PMEL: variants seen among roughly 807,000 people sequenced by gnomAD.
PMEL encodes the protein melanocyte protein PMEL.
A neutral mutation model predicts 64.9 loss-of-function variants in PMEL; 53 were observed. That is an observed-to-expected ratio of 0.82 (90% CI 0.66 to 1.03). The LOEUF is 1.03. Among genes scored for constraint, PMEL ranks in the 50% least tolerant of loss-of-function variants. PMEL has a pLI of 0.00. For missense variants in PMEL, 716 were observed against 814.9 expected (o/e 0.88, Z 1.48); for synonymous variants, 299 against 316.2 (o/e 0.95, Z 0.58).
At chr12:55,963,299 A>C (rs1472915405) in intron 1 of PMEL, among the ~76,000 whole-genome samples, 1 of 152,204 alleles carries the variant, frequency 6.6e-6, no homozygotes, top group African/African-American at 2.4e-5. Context: ...GTAACTGACC[A>C]AGAGAGGTCT....
Position 55,957,491 on chromosome 12 carries a change from G to T in PMEL, c.812C>A (p.Ser271Tyr), listed in dbSNP as rs201743690. The change falls in exon 6 of 11, where the codon TCT (serine) becomes TAT (tyrosine). Residue 271 changes from serine (S) to tyrosine (Y), a missense_variant. Physicochemically the swap from Ser to Tyr is moderately radical, Grantham distance 144. Coordinates refer to ENST00000548747, the MANE Select transcript of PMEL (RefSeq NM_001384361.1). ...DFGDSSGTLI[S>Y]RALVVTHTYL... is the part of the protein sequence containing the mutation. Reference sequence around the variant, plus strand: ...AGTATGAGTGACCACAAGTGCCCGAGAGATCAGGGTTCCACTACTGTCTCC... The same window carrying T: ...AGTATGAGTGACCACAAGTGCCCGATAGATCAGGGTTCCACTACTGTCTCC... The T allele has an allele frequency of 1.1e-5, 17 of 1,614,032 alleles. No individual in the cohort carries two copies.
At chr12:55,958,678 C>T in intron 3 of PMEL, 71 bp from the exon 4 acceptor site, 1 of 1,502,044 alleles carries the variant, frequency 6.7e-7, no homozygotes, top group Non-Finnish European at 9.1e-7. Flanking sequence ...CCTAAAATTG[C>T]TCCCAGGGTA....
intron 3 of PMEL, among the ~76,000 whole-genome samples, chr12:55,960,927 G>A (rs1889077988): frequency 6.6e-6 from 1 of 150,900 alleles, no homozygotes; most frequent in Admixed American, 6.6e-5. Context: ...GAGGAGGCCG[G>A]GTGCGATGGC....
chr12:55,965,850 T>C, intron 1 of PMEL, 86 bp downstream of exon 1: 1 of 1,505,090 alleles, frequency 6.6e-7, no homozygotes, highest in Non-Finnish European at 9.2e-7. Flanking sequence ...ATATTGCCGC[T>C]ATCTCCCATT....
At chr12:55,964,924 C>CT (rs1353181934) in intron 1 of PMEL, among the ~76,000 whole-genome samples, 1 of 131,446 alleles carries the variant, frequency 7.6e-6, no homozygotes, top group Non-Finnish European at 1.7e-5. Context: ...GCCTCATCCC[C>CT]TTTCTTTTTT....
chr12:55,961,680 G>C lies in PMEL; in HGVS notation c.129C>G (p.Ala43=), dbSNP rs768512652. 1 of 1,613,986 alleles carries C rather than the reference G, an allele frequency of 6.2e-7. No homozygotes were observed. The highest frequency in any genetic ancestry group is 8.5e-7 in the Non-Finnish European group (1 of 1,180,040). Reference sequence around the variant, plus strand: ...ACTCTGGATACAGCTGCCTGTTCCAGGCTTTGGTTCTGAGTTGCCTTGAGA... The same window carrying C: ...ACTCTGGATACAGCTGCCTGTTCCACGCTTTGGTTCTGAGTTGCCTTGAGA... The part of the protein sequence containing the change: ...LGVSRQLRTK[A]WNRQLYPEWT... The change falls in exon 2 of 11, where the codon GCC becomes GCG. Residue 43 remains alanine (A), a synonymous_variant. Coordinates refer to ENST00000548747, the MANE Select transcript of PMEL (RefSeq NM_001384361.1).
chr12:55,961,652 T>C lies in PMEL; in HGVS notation c.157A>G (p.Thr53Ala). ...AWNRQLYPEW[T>A]EAQRLDCWRG... Reference sequence around the variant, plus strand: ...CAGCAGTCAAGTCTCTGGGCTTCTGTCCACTCTGGATACAGCTGCCTGTTC... The same window carrying C: ...CAGCAGTCAAGTCTCTGGGCTTCTGCCCACTCTGGATACAGCTGCCTGTTC... Residue 53 changes from threonine to alanine, a missense_variant, in exon 2 of 11, where the codon ACA (threonine) becomes GCA (alanine). Thr to Ala is a moderately conservative substitution (Grantham distance 58). Transcript: ENST00000548747. 3 of 1,613,918 alleles carry C rather than the reference T, an allele frequency of 1.9e-6. No homozygotes were observed. Among genetic ancestry groups the C allele is most frequent in the Non-Finnish European group, 2.5e-6 (3 of 1,179,918 alleles).
At chr12:55,958,359 A>C in intron 4 of PMEL, 114 bp downstream of exon 4, 1 of 1,092,968 alleles carries the variant, frequency 9.1e-7, no homozygotes, top group South Asian at 1.5e-5. Context: ...GAGGAAAATG[A>C]AGATTAGAGA....
At chr12:55,966,697 G>C (rs925513900), upstream of PMEL, 5 of 1,102,660 alleles carry the variant, frequency 4.5e-6, no homozygotes, top group Non-Finnish European at 4.4e-6. Context: ...GATCATTTGC[G>C]GGGAGGAGCG....
Position 55,961,331 on chromosome 12 carries a change from T to C in PMEL, c.320A>G (p.Asn107Ser). The C allele has an allele frequency of 1.2e-6, 2 of 1,614,196 alleles. No homozygotes were observed. Among genetic ancestry groups the C allele is most frequent in the Non-Finnish European group, 1.7e-6 (2 of 1,180,020 alleles). ...GAAGTACTCACCATTGATGATGGTATTGTTGACCCAGATAACCTGCCCATC... is the reference window on the plus strand; with the variant it reads ...GAAGTACTCACCATTGATGATGGTACTGTTGACCCAGATAACCTGCCCATC... ...LPDGQVIWVN[N>S]TIINGSQVWG... Residue 107 changes from asparagine (N) to serine (S), a missense_variant, in exon 3 of 11, where the codon AAT becomes AGT. Asn to Ser is a conservative substitution (Grantham distance 46). Coordinates refer to ENST00000548747, the MANE Select transcript of PMEL (RefSeq NM_001384361.1).
At chr12:55,956,023 C>A in intron 7 of PMEL, 80 bp downstream of exon 7, 1 of 1,144,262 alleles carries the variant, frequency 8.7e-7, no homozygotes, top group Admixed American at 1.7e-5. Context: ...TGAGTAATTC[C>A]TCCCAAGGTG....
intron 1 of PMEL, among the ~76,000 whole-genome samples, chr12:55,962,516 CTTTTTTTTTTTTT>C (rs1161956723): frequency 5.5e-5 from 4 of 73,166 alleles, no homozygotes; most frequent in African/African-American, 1.6e-4. Flanking sequence ...TATTATTACT[CTTTTTTTTTTTTT>C]TTTTTTTTTT....
chr12:55,959,059 C>T (rs1565775440), intron 3 of PMEL, among the ~76,000 whole-genome samples: 1 of 149,432 alleles, frequency 6.7e-6, no homozygotes, highest in African/African-American at 2.4e-5. Flanking sequence ...GGTTTACAGG[C>T]GTGCACCACC....
At chr12:55,954,549 T>C (rs952293465) in intron 10 of PMEL, among the ~76,000 whole-genome samples, 200 bp from the exon 11 acceptor site, 2 of 152,146 alleles carry the variant, frequency 1.3e-5, no homozygotes, top group Non-Finnish European at 2.9e-5. Flanking sequence ...CCGTAAGCTT[T>C]CCTGCCTGAG....
intron 1 of PMEL, among the ~76,000 whole-genome samples, chr12:55,963,261 G>A (rs1889174023): frequency 1.3e-5 from 2 of 152,178 alleles, no homozygotes; most frequent in South Asian, 4.1e-4. Flanking sequence ...CAGAGATTGG[G>A]GATGGGGACA....
At chr12:55,958,360 A>G in intron 4 of PMEL, 113 bp downstream of exon 4, 1 of 1,098,768 alleles carries the variant, frequency 9.1e-7, no homozygotes, top group Non-Finnish European at 1.3e-6. Context: ...AGGAAAATGA[A>G]GATTAGAGAA....
At position 55,954,147 on chromosome 12, in the gene PMEL, G is replaced by A; in HGVS notation, c.*67C>T. 6.9e-7 allele frequency: 1 copy of A among 1,443,006 alleles called. No individual in the cohort carries two copies. Among genetic ancestry groups the A allele is most frequent in the Middle Eastern group, 1.8e-4 (1 of 5,510 alleles). 89.4% of individuals were successfully genotyped at this position (1,443,006 alleles called of 1,614,324 possible). ...ATTTCAGTTAATAGTAGTCTCCCAG[G>A]GAAGACTGGGGGAAATATAGGTGTT... On this transcript the variant is annotated 3_prime_UTR_variant, in exon 11 of 11. Transcript: ENST00000548747.
chr12:55,955,276 A>C lies in PMEL; in HGVS notation c.1848T>G (p.Tyr616Ter). The C allele has an allele frequency of 6.2e-7, 1 of 1,603,236 alleles. No individual in the cohort carries two copies. The highest frequency in any genetic ancestry group is 1.3e-5 in the African/African-American group (1 of 74,806). Residue 616 changes from tyrosine to a stop codon, truncating the protein, a stop_gained and splice_region_variant, in exon 10 of 11, where the codon TAT (tyrosine) becomes TAG (stop). Coordinates refer to ENST00000548747, the MANE Select transcript of PMEL (RefSeq NM_001384361.1). LOFTEE classifies it low-confidence loss of function (END_TRUNC). The part of the protein sequence containing the change: ...LMAVVLASLI[Y>*]RRRLMKQDFS... ...GAGCTGTGTGATGAGGCCCTTACCTATATATCAGAGATGCAAGGACCACAG... is the reference window on the plus strand; with the variant it reads ...GAGCTGTGTGATGAGGCCCTTACCTCTATATCAGAGATGCAAGGACCACAG...
intron 1 of PMEL, among the ~76,000 whole-genome samples, chr12:55,965,260 T>C (rs998439813): frequency 6.6e-6 from 1 of 152,150 alleles, no homozygotes; most frequent in Non-Finnish European, 1.5e-5. Flanking sequence ...GTAACCCTAG[T>C]TGATTCTGCT....
Sources: allele counts gnomAD v4.1 joint callset (sites outside exome capture counted in the v4.1 genomes callset), GRCh38; gene constraint gnomAD v4.1.1; transcripts MANE v1.5; gene names NCBI Gene and HGNC (gene_info 2026-07-23, HGNC 2026-07-21).